MYLK: variants seen among roughly 807,000 people sequenced by gnomAD.
The protein encoded by MYLK is myosin light chain kinase, smooth muscle.
MYLK carries 106 observed loss-of-function variants against 203.4 expected under a neutral mutation model. That is an observed-to-expected ratio of 0.52 (90% confidence interval 0.45 to 0.61). The LOEUF (loss-of-function observed/expected upper bound fraction) is 0.61. Ranked by LOEUF, MYLK falls within the 20% of genes least tolerant of loss-of-function variation. The pLI is 0.00. For synonymous variants in MYLK, 867 were observed against 959.5 expected, an observed-to-expected ratio of 0.90 and a Z score of 1.78; for missense variants, 2,072 against 2,442.3, an observed-to-expected ratio of 0.85 and a Z score of 3.20.
intron 4 of MYLK, among the ~76,000 whole-genome samples, chr3:123,759,321 G>A (rs1451867634): frequency 6.6e-6 from 1 of 152,002 alleles, no homozygotes; most frequent in Non-Finnish European, 1.5e-5. Flanking sequence ...CTCACCATGG[G>A]TCTCCACGGA....
At chr3:123,835,180 C>A (rs545079337) in intron 2 of MYLK, among the ~76,000 whole-genome samples, 1 of 152,324 alleles carries the variant, frequency 6.6e-6, no homozygotes, top group African/African-American at 2.4e-5. Context: ...TTATTGGGTC[C>A]TACCCCAGAC....
intron 24 of MYLK, among the ~76,000 whole-genome samples, chr3:123,651,178 A>C (rs1042980848): frequency 6.6e-6 from 1 of 152,214 alleles, no homozygotes; most frequent in Non-Finnish European, 1.5e-5. Context: ...ACAATCGCCA[A>C]GGATGAGATG....
At chr3:123,731,500 C>G (rs1410756241) in intron 11 of MYLK, among the ~76,000 whole-genome samples, 3 of 152,172 alleles carry the variant, frequency 2.0e-5, no homozygotes, top group African/African-American at 4.8e-5. Flanking sequence ...TAGCATCAGT[C>G]TACAGGATGT....
chr3:123,637,362 T>A (rs889648572), intron 29 of MYLK, among the ~76,000 whole-genome samples: 1 of 152,078 alleles, frequency 6.6e-6, no homozygotes, highest in Non-Finnish European at 1.5e-5. Context: ...GCATTCCAGG[T>A]CACCCAGACC....
chr3:123,713,632 T>C (rs965301290), intron 13 of MYLK, among the ~76,000 whole-genome samples: 12 of 140,636 alleles, frequency 8.5e-5, no homozygotes, highest in Non-Finnish European at 1.7e-4. Flanking sequence ...TGTGTGTGTA[T>C]TGCAATTCAT....
intron 4 of MYLK, among the ~76,000 whole-genome samples, chr3:123,772,931 T>G (rs536637929): frequency 6.6e-6 from 1 of 152,144 alleles, no homozygotes; most frequent in Non-Finnish European, 1.5e-5. Flanking sequence ...CCTATAAAAT[T>G]GGCATAGTAA....
chr3:123,666,808 A>G (rs955746068), intron 21 of MYLK: 16 of 555,976 alleles, frequency 2.9e-5, no homozygotes, highest in Admixed American at 9.4e-5. Flanking sequence ...CAAGAGGGTC[A>G]TGTACACAAG....
At chr3:123,722,424 C>T (rs1184636230) in intron 12 of MYLK, 144 bp from the exon 13 acceptor site, 10 of 1,070,684 alleles carry the variant, frequency 9.3e-6, no homozygotes, top group East Asian at 2.6e-5. Context: ...ATGTACCATG[C>T]ACATCTCCAG....
At chr3:123,684,490 T>G (rs2060380384) in intron 19 of MYLK, among the ~76,000 whole-genome samples, 1 of 152,156 alleles carries the variant, frequency 6.6e-6, no homozygotes, top group South Asian at 2.1e-4. Context: ...AAGACCAGCA[T>G]TTCTAACAGT....
intron 24 of MYLK, among the ~76,000 whole-genome samples, chr3:123,653,114 G>T (rs573664491): frequency 6.6e-6 from 1 of 152,210 alleles, no homozygotes; most frequent in Admixed American, 6.5e-5. Flanking sequence ...GAAGGTCAGA[G>T]CCAACATTAG....
intron 31 of MYLK, chr3:123,624,797 T>G (rs1358207596): frequency 6.6e-6 from 1 of 152,278 alleles, no homozygotes; most frequent in Non-Finnish European, 1.5e-5. Context: ...AGCCAGGAAC[T>G]GACTTCCATG....
At chr3:123,714,844 G>GACAAGCCCC (rs2061837037) in intron 13 of MYLK, among the ~76,000 whole-genome samples, 1 of 152,212 alleles carries the variant, frequency 6.6e-6, no homozygotes, top group Admixed American at 6.5e-5. Context: ...GAAAAGGATT[G>GACAAGCCCC]ATCGGGCTGT....
intron 23 of MYLK, among the ~76,000 whole-genome samples, chr3:123,658,437 CA>C (rs1191845084): frequency 6.6e-6 from 1 of 152,178 alleles, no homozygotes; most frequent in East Asian, 1.9e-4. Flanking sequence ...CTTATCTGAG[CA>C]AAACTCTCCT....
rs111643488 is a variant in MYLK at position 123,857,832 on chromosome 3, AT to A, written c.-127+18726del. 5.6e-3 allele frequency among the ~76,000 whole-genome samples: 850 copies of A among 151,814 alleles called. 8 individuals carry two copies. The highest frequency in any genetic ancestry group is 0.017 in the African/African-American group (696 of 41,216). On this transcript the variant is annotated intron_variant, in intron 2 of 33. Transcript: ENST00000360304. ...GAAAGAAAGAAAAAAGAAAAAAAAA[AT>A]TGTGTGTCATGGGCTATGGCCCTAA...
Position 123,752,338 on chromosome 3 carries a change from T to C in MYLK, c.366A>G (p.Thr122=), listed in dbSNP as rs530449275. Residue 122 remains threonine, a synonymous_variant, in exon 5 of 34, where the codon ACA becomes ACG. Coordinates refer to ENST00000360304, the MANE Select transcript of MYLK (RefSeq NM_053025.4). ...SGARQVTVEL[T]VEGSFAKQLG... The stretch of plus-strand genomic sequence containing the variant: ...GGGCCTCCTGGGACTCACCTTCTAC[T>C]GTCAACTCCACTGTCACCTGGCGAG... The C allele has an allele frequency of 1.2e-6, 2 of 1,614,022 alleles. No individual in the cohort carries two copies. The highest frequency in any genetic ancestry group is 2.2e-5 in the South Asian group (2 of 91,078).
chr3:123,657,460 CTTTCCAGAATTGCAGG>C (rs2059424114), intron 23 of MYLK, 32 bp from the exon 24 acceptor site: 4 of 1,609,916 alleles, frequency 2.5e-6, no homozygotes, highest in African/African-American at 1.3e-5. Context: ...ATCACCCACA[CTTTCCAGAATTGCAGG>C]CAAAGGAAGT....
intron 19 of MYLK, among the ~76,000 whole-genome samples, chr3:123,683,994 G>A (rs974378721): frequency 1.3e-5 from 2 of 152,182 alleles, no homozygotes; most frequent in Non-Finnish European, 2.9e-5. Flanking sequence ...TCCTCAGGAG[G>A]CTGCCTGTAA....
Position 123,734,174 on chromosome 3 carries a change from C to A in MYLK, c.822G>T (p.Glu274Asp). Residue 274 changes from glutamate (E) to aspartate (D), a missense_variant, in exon 10 of 34, where the codon GAG (glutamate) becomes GAT (aspartate). Glu to Asp is a conservative substitution (Grantham distance 45). Transcript: ENST00000360304. ...ACTCCTTTGAGATTACATTGGTCAC[C>A]TCTTTCCTGACATCTGAATTGGTGG... ...TKATNSDVRKEVTNVISKESK... is the reference protein window; with the variant it reads ...TKATNSDVRKDVTNVISKESK... 6.7e-7 allele frequency: 1 copy of A among 1,503,064 alleles called. No individual in the cohort carries two copies. The highest frequency in any genetic ancestry group is 8.9e-7 in the Non-Finnish European group (1 of 1,125,992). The allele number at this position is 1,503,064 out of a possible 1,614,324, so 93.1% of individuals were successfully genotyped here.
intron 20 of MYLK, among the ~76,000 whole-genome samples, chr3:123,669,369 A>C (rs2059836674): frequency 6.6e-6 from 1 of 152,164 alleles, no homozygotes; most frequent in Non-Finnish European, 1.5e-5. Context: ...AATGTAAGAA[A>C]TCAGGCCTCA....
Sources: gnomAD v4.1 joint callset for allele counts (sites outside exome capture counted in the v4.1 genomes callset) on GRCh38, gnomAD v4.1.1 for gene constraint, MANE v1.5 for transcripts, NCBI Gene and HGNC (gene_info 2026-07-23, HGNC 2026-07-21) for gene names.